Variants in GNG7 observed in about 807,000 individuals in gnomAD.
GNG7 encodes G protein subunit gamma 7.
GNG7 carries 1 observed loss-of-function variant against 4.0 expected under a neutral mutation model. That is an observed-to-expected ratio of 0.25 (90% CI 0.09 to 1.18). The LOEUF (loss-of-function observed/expected upper bound fraction) is 1.18, where lower values mean the gene tolerates loss of function less well. Among genes scored for constraint, GNG7 ranks in the 50% most tolerant of loss-of-function variants. The pLI, the probability that GNG7 is intolerant of heterozygous loss-of-function variation, is 0.50. For missense variants in GNG7, 86 were observed against 91.9 expected (o/e 0.94, Z 0.26); for synonymous variants, 34 against 36.9 (o/e 0.92, Z 0.29).
At chr19:2,605,507 C>CT (rs10602276) in intron 2 of GNG7, among the ~76,000 whole-genome samples, 1,140 of 62,428 alleles carry the variant, frequency 0.018, 45 homozygotes, top group African/African-American at 0.026. Context: ...CCAAATCTCA[C>CT]TTTTTTTTTT....
rs747543640 is a variant in GNG7 at position 2,633,623 on chromosome 19, TAG to T, written c.-78+12599_-78+12600del. 6.6e-6 allele frequency among the ~76,000 whole-genome samples: 1 copy of T among 151,324 alleles called. No individual in the cohort carries two copies. Among genetic ancestry groups the T allele is most frequent in the African/African-American group, 2.4e-5 (1 of 41,170 alleles). On this transcript the variant is annotated intron_variant, in intron 2 of 4. Coordinates refer to ENST00000382159, the MANE Select transcript of GNG7 (RefSeq NM_052847.3). The surrounding 1 kb of genome is among the most constrained non-coding windows in gnomAD (Gnocchi z 5.9). Reference sequence around the variant, plus strand: ...TCTCTGGGTATGGAGCCTCAATCAGTAGAGTCAGGTGGTCGCAATAACAGCTC... The same window carrying T: ...TCTCTGGGTATGGAGCCTCAATCAGTAGTCAGGTGGTCGCAATAACAGCTC...
In GNG7 at chr19:2,633,857, G is replaced by A. The variant is rs1484991209; in HGVS notation, c.-78+12367C>T. Among the ~76,000 whole-genome samples, 1 of 152,104 alleles carries A rather than the reference G, an allele frequency of 6.6e-6. No individual in the cohort carries two copies. Among genetic ancestry groups the A allele is most frequent in the Non-Finnish European group, 1.5e-5 (1 of 68,016 alleles). ...CTGAATCATTCTTGGTTGTGGGGCTGCCCCGGGCACTGCAGGGTGCTGAGT... is the reference window on the plus strand; with the variant it reads ...CTGAATCATTCTTGGTTGTGGGGCTACCCCGGGCACTGCAGGGTGCTGAGT... On this transcript the variant is annotated intron_variant, in intron 2 of 4. Transcript: ENST00000382159. The surrounding 1 kb of genome is among the most constrained non-coding windows in gnomAD (Gnocchi z 5.9).
intron 1 of GNG7, among the ~76,000 whole-genome samples, chr19:2,696,502 A>G (rs1913269080): frequency 6.6e-6 from 1 of 152,248 alleles, no homozygotes; most frequent in Admixed American, 6.5e-5. Flanking sequence ...GCCTGTGCCC[A>G]GGAAAAAGCC....
At chr19:2,644,327 T>TTATATATATATA (rs56143197) in intron 2 of GNG7, among the ~76,000 whole-genome samples, 10 of 114,474 alleles carry the variant, frequency 8.7e-5, no homozygotes, top group South Asian at 2.9e-4. Flanking sequence ...GGCCTACACT[T>TTATATATATATA]TATATATATA....
chr19:2,610,257 C>CTCA (rs1191442723), intron 2 of GNG7: 3 of 151,526 alleles, frequency 2.0e-5, no homozygotes, highest in Admixed American at 6.6e-5. Flanking sequence ...GCCTCCTGGA[C>CTCA]TCAAGCAATA....
intron 2 of GNG7, among the ~76,000 whole-genome samples, chr19:2,578,499 C>A (rs905889074): frequency 6.6e-6 from 1 of 152,224 alleles, no homozygotes; most frequent in Non-Finnish European, 1.5e-5. Flanking sequence ...CAAGAGACTG[C>A]CCGTCCTGCA....
intron 2 of GNG7, among the ~76,000 whole-genome samples, chr19:2,569,057 GCA>G (rs1368881192): frequency 6.6e-6 from 1 of 150,676 alleles, no homozygotes; most frequent in Non-Finnish European, 1.5e-5. Context: ...ACACAGAAGC[GCA>G]CACACATACA....
At chr19:2,527,206 A>C (rs949336754) in intron 3 of GNG7, among the ~76,000 whole-genome samples, 2 of 152,234 alleles carry the variant, frequency 1.3e-5, no homozygotes, top group South Asian at 2.1e-4. Flanking sequence ...TAGTCCAGGG[A>C]GCCCCACGCA....
chr19:2,595,885 C>G (rs1981004263), intron 2 of GNG7, among the ~76,000 whole-genome samples: 1 of 152,068 alleles, frequency 6.6e-6, no homozygotes, highest in Non-Finnish European at 1.5e-5. Flanking sequence ...CGACAATGAC[C>G]AGGACAACTG....
intron 2 of GNG7, chr19:2,631,804 A>T (rs1982166515): frequency 6.6e-6 from 1 of 152,206 alleles, no homozygotes; most frequent in Admixed American, 6.5e-5. Context: ...TAGATGGGGG[A>T]CTTGGCCTGG....
intron 1 of GNG7, among the ~76,000 whole-genome samples, chr19:2,679,000 T>C (rs117613228): frequency 1.3e-5 from 2 of 152,272 alleles, no homozygotes; most frequent in Non-Finnish European, 2.9e-5. Flanking sequence ...CTGAATTTGG[T>C]CCACGCCCAT....
At chr19:2,603,891 C>T (rs1981290761) in intron 2 of GNG7, among the ~76,000 whole-genome samples, 1 of 151,724 alleles carries the variant, frequency 6.6e-6, no homozygotes. Flanking sequence ...CGCTCTGTCA[C>T]CCAGGCTGGA....
intron 3 of GNG7, among the ~76,000 whole-genome samples, chr19:2,536,138 C>A (rs1021469302): frequency 1.2e-4 from 18 of 151,946 alleles, no homozygotes; most frequent in Admixed American, 7.2e-4. Context: ...GAAAAGAAGG[C>A]CGGGCGCGGT....
At chr19:2,542,775 T>A (rs1390088093) in intron 3 of GNG7, among the ~76,000 whole-genome samples, 1 of 151,548 alleles carries the variant, frequency 6.6e-6, no homozygotes, top group African/African-American at 2.4e-5. Context: ...TGAGCAGGCA[T>A]GGGGTCCCAC....
chr19:2,515,215 A>G, intron 4 of GNG7, 68 bp from the exon 5 acceptor site: 1 of 1,594,896 alleles, frequency 6.3e-7, no homozygotes. Context: ...GGTTCACAGC[A>G]GCACCATTCC....
rs111895304 is a variant in GNG7, at chr19:2,667,298, G to T, written c.-134-21018C>A. ...GATCACGCCACTGCAACCCAGCCTG[G>T]GCCACAGAGTGAGACTCCCTCTCAA... On this transcript the variant is annotated intron_variant, in intron 1 of 4. Transcript: ENST00000382159. 4.9e-3 allele frequency among the ~76,000 whole-genome samples: 739 copies of T among 152,224 alleles called. 9 individuals carry two copies. The highest frequency in any genetic ancestry group is 0.017 in the African/African-American group (712 of 41,532).
rs144543253 is a variant in GNG7 at position 2,554,403 on chromosome 19, G to C, written c.-38+746C>G. On this transcript the variant is annotated intron_variant, in intron 3 of 4. Coordinates refer to ENST00000382159, the MANE Select transcript of GNG7 (RefSeq NM_052847.3). Reference sequence around the variant, plus strand: ...CTGTCACCTAGGCTGGAGTACAGTGGTGCAATCATAGCTCACTGCAACCCC... The same window carrying C: ...CTGTCACCTAGGCTGGAGTACAGTGCTGCAATCATAGCTCACTGCAACCCC... Among the ~76,000 whole-genome samples the C allele has an allele frequency of 8.8e-3, 1,315 of 149,324 alleles. 18 individuals carry two copies. The highest frequency in any genetic ancestry group is 0.031 in the African/African-American group (1,272 of 40,952).
intron 2 of GNG7, among the ~76,000 whole-genome samples, chr19:2,635,343 G>A (rs1378828562): frequency 7.9e-5 from 12 of 152,278 alleles, no homozygotes; most frequent in Admixed American, 5.9e-4. Flanking sequence ...GAATGTGAGA[G>A]ACCCTGCCTT....
intron 3 of GNG7, among the ~76,000 whole-genome samples, chr19:2,543,723 G>A (rs1979036498): frequency 6.6e-6 from 1 of 152,172 alleles, no homozygotes; most frequent in Non-Finnish European, 1.5e-5. Flanking sequence ...AGCGGGCTCT[G>A]GCGGCTTCCA....
Sources: allele counts gnomAD v4.1 joint callset (sites outside exome capture counted in the v4.1 genomes callset), GRCh38; gene constraint gnomAD v4.1.1; non-coding constraint Gnocchi (gnomAD v3.1); transcripts MANE v1.5; gene names NCBI Gene and HGNC (gene_info 2026-07-23, HGNC 2026-07-21).